The following TBC1D16 variants were observed in gnomAD, a reference collection of about 807,000 sequenced individuals.
The protein encoded by TBC1D16 is CTD-2529O21.1.
TBC1D16 carries 58 observed loss-of-function variants against 74.7 expected under a neutral mutation model. That is an observed-to-expected ratio of 0.78 (90% CI 0.63 to 0.97). TBC1D16 has a LOEUF of 0.97. Among genes scored for constraint, TBC1D16 ranks in the 50% least tolerant of loss-of-function variants. The pLI, the probability that TBC1D16 is intolerant of heterozygous loss-of-function variation, is 0.00. For synonymous variants in TBC1D16, 493 were observed against 474.7 expected (o/e 1.04, Z -0.50); for missense variants, 1,014 against 1,079.5 (o/e 0.94, Z 0.85).
chr17:79,949,190 C>T lies in TBC1D16; in HGVS notation c.1407-184G>A, dbSNP rs1487816726. Among the ~76,000 whole-genome samples the T allele has an allele frequency of 2.0e-5, 3 of 152,260 alleles. No homozygotes were observed. The East Asian group carries it at 5.8e-4, about 29-fold the overall frequency. On this transcript the variant is annotated intron_variant, in intron 7 of 11. Coordinates refer to ENST00000310924, the MANE Select transcript of TBC1D16 (RefSeq NM_019020.4). ...ATGGGTGGCGTGTATCCAAGGCTCT[C>T]CTTGATATTAACTCAGCCTCACAGT...
chr17:80,015,840 G>A (rs568312278), intron 1 of TBC1D16, among the ~76,000 whole-genome samples: 61 of 151,892 alleles, frequency 4.0e-4, no homozygotes, highest in Non-Finnish European at 7.2e-4. Context: ...GCAAAACCCC[G>A]CCTCTACTAA....
chr17:80,018,282 A>AT (rs1257802956), intron 1 of TBC1D16, among the ~76,000 whole-genome samples: 2,100 of 135,610 alleles, frequency 0.015, 245 homozygotes, highest in African/African-American at 0.068. Context: ...TTATTTCTTT[A>AT]TTTTTTTTTT....
At chr17:80,025,951 C>G (rs1433382005) in intron 1 of TBC1D16, 1 of 149,874 alleles carries the variant, frequency 6.7e-6, no homozygotes, top group Non-Finnish European at 1.5e-5. Context: ...GCTCATTTTT[C>G]TGTAAACCTA....
chr17:79,960,710 AT>A (rs2033554977), intron 3 of TBC1D16, among the ~76,000 whole-genome samples: 1 of 146,354 alleles, frequency 6.8e-6, no homozygotes, highest in Non-Finnish European at 1.5e-5. Flanking sequence ...AGCCAACATC[AT>A]GCCACTGCAC....
rs533007657 is a variant in TBC1D16 at position 80,010,495 on chromosome 17, A to C, written c.444T>G (p.Val148=). ...DEDILVVAQS[V]PDRMLASPAP... Reference sequence around the variant, plus strand: ...CAGGGCTGGCGAGCATGCGGTCTGGAACACTCTGGGCCACCACCAGGATGT... The same window carrying C: ...CAGGGCTGGCGAGCATGCGGTCTGGCACACTCTGGGCCACCACCAGGATGT... The change falls in exon 3 of 12, where the codon GTT becomes GTG. Residue 148 remains valine (V), a synonymous_variant. Transcript: ENST00000310924. This position sits in a 1 kb window ranked among gnomAD's most constrained non-coding sequence, Gnocchi z 8.8. The C allele has an allele frequency of 6.2e-7, 1 of 1,610,850 alleles. No homozygotes were observed. The highest frequency in any genetic ancestry group is 1.1e-5 in the South Asian group (1 of 90,682).
intron 1 of TBC1D16, among the ~76,000 whole-genome samples, chr17:80,028,312 C>T (rs2036655118): frequency 6.6e-6 from 1 of 152,160 alleles, no homozygotes; most frequent in South Asian, 2.1e-4. Context: ...AGTTGCATCA[C>T]CTGAAGTCGG....
chr17:80,025,074 C>CACACGACACACAA (rs2036511400), intron 1 of TBC1D16, among the ~76,000 whole-genome samples: 4 of 11,870 alleles, frequency 3.4e-4, no homozygotes, highest in Non-Finnish European at 6.2e-4. Flanking sequence ...ATGACACACA[C>CACACGACACACAA]ACACATACCA....
rs148227559 is a variant in TBC1D16, at chr17:79,980,251, G to A, written c.780-27433C>T. On this transcript the variant is annotated intron_variant, in intron 3 of 11. Transcript: ENST00000310924. The surrounding 1 kb of genome is among the most constrained non-coding windows in gnomAD (Gnocchi z 7.0). The stretch of plus-strand genomic sequence containing the variant: ...TGACTAAATTTAGGTGTTCCCCTTA[G>A]GCATCTGATTAAATTTCATGAACTC... 6.6e-6 allele frequency among the ~76,000 whole-genome samples: 1 copy of A among 152,202 alleles called. No homozygotes were observed. Among genetic ancestry groups the A allele is most frequent in the African/African-American group, 2.4e-5 (1 of 41,438 alleles).
Position 80,001,303 on chromosome 17 carries a change from C to A in TBC1D16, c.779+8857G>T, listed in dbSNP as rs1305374644. ...GGGGAGGGAGGAACGCCACACAGAG[C>A]CTGCCAAGTGCTACAGAAACAAGAC... is the stretch of plus-strand genomic sequence containing the variant. On this transcript the variant is annotated intron_variant, in intron 3 of 11. Coordinates refer to ENST00000310924, the MANE Select transcript of TBC1D16 (RefSeq NM_019020.4). The surrounding 1 kb of genome is among the most constrained non-coding windows in gnomAD (Gnocchi z 5.8). Among the ~76,000 whole-genome samples, 1 of 152,202 alleles carries A rather than the reference C, an allele frequency of 6.6e-6. No homozygotes were observed. The highest frequency in any genetic ancestry group is 2.4e-5 in the African/African-American group (1 of 41,440).
In TBC1D16 at chr17:79,951,594, G is replaced by A. The variant is rs35286723; in HGVS notation, c.945C>T (p.Asp315=). Residue 315 remains aspartate, a synonymous_variant, in exon 5 of 12, where the codon GAC becomes GAT. Coordinates refer to ENST00000310924, the MANE Select transcript of TBC1D16 (RefSeq NM_019020.4). ...CCAGCTGGCCGCTGGTGCAGGCCTC[G>A]TCGCTGAAGGGCCATTGGAAGGGGG... is the stretch of plus-strand genomic sequence containing the variant. ...HMRSLRLFFS[D]EACTSGQLVV... is the part of the protein sequence containing the mutation. 200,876 of 1,612,690 alleles carry A rather than the reference G, an allele frequency of 0.12. 14,733 individuals carry two copies. The highest frequency in any genetic ancestry group is 0.33 in the Admixed American group (19,934 of 59,848).
rs1372035636 is a variant in TBC1D16, at chr17:79,944,071, G to A, written c.1908+837C>T. On this transcript the variant is annotated intron_variant, in intron 10 of 11. Coordinates refer to ENST00000310924, the MANE Select transcript of TBC1D16 (RefSeq NM_019020.4). The surrounding 1 kb of genome is among the most constrained non-coding windows in gnomAD (Gnocchi z 7.7). ...AAGGCGGCGTGTGGTACCGGCACTC[G>A]GTGGCTTCAGACTCGCTTTCATCAG... 2.1e-5 allele frequency: 33 copies of A among 1,535,890 alleles called. No homozygotes were observed. Among genetic ancestry groups the A allele is most frequent in the African/African-American group, 9.6e-5 (7 of 73,034 alleles).
At chr17:79,963,486 T>C (rs1199018029) in intron 3 of TBC1D16, among the ~76,000 whole-genome samples, 2 of 152,244 alleles carry the variant, frequency 1.3e-5, no homozygotes, top group African/African-American at 2.4e-5. Context: ...GTTTATCTTT[T>C]CATCCACCAA....
chr17:79,947,906 G>C, intron 8 of TBC1D16, 75 bp from the exon 9 acceptor site: 1 of 1,300,034 alleles, frequency 7.7e-7, no homozygotes, highest in Non-Finnish European at 1.1e-6. Flanking sequence ...CAGAACCCTG[G>C]GCCGTGGACC....
At chr17:79,976,597 T>TGG (rs1243536750) in intron 3 of TBC1D16, among the ~76,000 whole-genome samples, 1 of 152,198 alleles carries the variant, frequency 6.6e-6, no homozygotes, top group Non-Finnish European at 1.5e-5. Flanking sequence ...TAGGGGATTC[T>TGG]GGTGAATGTC....
intron 3 of TBC1D16, among the ~76,000 whole-genome samples, chr17:79,999,357 C>G (rs1342347183): frequency 6.6e-6 from 1 of 151,972 alleles, no homozygotes; most frequent in Non-Finnish European, 1.5e-5. Context: ...CAGCCAAAAC[C>G]ATCTGGCCCC....
At chr17:80,015,741 T>C (rs1454083408) in intron 1 of TBC1D16, among the ~76,000 whole-genome samples, 1 of 151,988 alleles carries the variant, frequency 6.6e-6, no homozygotes. Flanking sequence ...CTGGGAGCGG[T>C]GGCTCACACC....
In TBC1D16 at chr17:79,950,259, A is replaced by C. The variant is rs1193487864; in HGVS notation, c.1257+152T>G. On this transcript the variant is annotated intron_variant, in intron 6 of 11. Transcript: ENST00000310924. The surrounding 1 kb of genome is among the most constrained non-coding windows in gnomAD (Gnocchi z 4.6). ...CTTTGATTGCTTTATCGGTGTGTTC[A>C]CAGAGAGCCTCACACAAGAAAACGG... 1.2e-6 allele frequency: 1 copy of C among 824,234 alleles called. No homozygotes were observed. The highest frequency in any genetic ancestry group is 1.8e-6 in the Non-Finnish European group (1 of 546,340). 51.1% of individuals were successfully genotyped at this position (824,234 alleles called of 1,614,324 possible).
Position 79,988,973 on chromosome 17 carries a change from C to T in TBC1D16, c.779+21187G>A, listed in dbSNP as rs1045991622. Among the ~76,000 whole-genome samples the T allele has an allele frequency of 1.3e-5, 2 of 152,246 alleles. No individual in the cohort carries two copies. Among genetic ancestry groups the T allele is most frequent in the African/African-American group, 4.8e-5 (2 of 41,472 alleles). On this transcript the variant is annotated intron_variant, in intron 3 of 11. Coordinates refer to ENST00000310924, the MANE Select transcript of TBC1D16 (RefSeq NM_019020.4). This position sits in a 1 kb window ranked among gnomAD's most constrained non-coding sequence, Gnocchi z 5.7. ...TTCAGTCCTCCTGCCGAGAAGAAGC[C>T]TTTCATCAGTAAAAGAGAAAACGGC... is the stretch of plus-strand genomic sequence containing the variant.
At chr17:79,968,142 G>A (rs1045001675) in intron 3 of TBC1D16, among the ~76,000 whole-genome samples, 9 of 152,118 alleles carry the variant, frequency 5.9e-5, no homozygotes, top group Non-Finnish European at 1.3e-4. Flanking sequence ...ACAGGCGTGC[G>A]CCACCATACC....
Sources: gnomAD v4.1 joint callset for allele counts (sites outside exome capture counted in the v4.1 genomes callset) on GRCh38, gnomAD v4.1.1 for gene constraint, Gnocchi (gnomAD v3.1) non-coding constraint, MANE v1.5 for transcripts, NCBI Gene and HGNC (gene_info 2026-07-23, HGNC 2026-07-21) for gene names.